IMPG2: variants seen among roughly 807,000 people sequenced by gnomAD.
IMPG2 encodes the protein interphotoreceptor matrix proteoglycan 2, also known as IPM 200.
In IMPG2, 91 loss-of-function variants were observed where a neutral mutation model predicts 129.2. That is an observed-to-expected ratio of 0.70 (90% CI 0.59 to 0.84). IMPG2 has a LOEUF of 0.84. Ranked by LOEUF, IMPG2 falls within the 40% of genes least tolerant of loss-of-function variation. The pLI is 0.00. For missense variants in IMPG2, 1,430 were observed against 1,461.7 expected (o/e 0.98, Z 0.35); for synonymous variants, 510 against 517.7 (o/e 0.99, Z 0.20).
rs1706834559 is a variant in IMPG2 at position 101,275,757 on chromosome 3, A to G, written c.584-12T>C. Reference sequence around the variant, plus strand: ...ACTGAGAGTAGTGTCTAAGAAGAAAAGCAAAAACATATGCATGAATTCAGT... The same window carrying G: ...ACTGAGAGTAGTGTCTAAGAAGAAAGGCAAAAACATATGCATGAATTCAGT... On this transcript the variant is annotated splice_polypyrimidine_tract_variant and intron_variant, in intron 5 of 18. Coordinates refer to ENST00000193391, the MANE Select transcript of IMPG2 (RefSeq NM_016247.4). The G allele has an allele frequency of 6.9e-6, 11 of 1,598,780 alleles. No homozygotes were observed. Among genetic ancestry groups the G allele is most frequent in the Non-Finnish European group, 9.4e-6 (11 of 1,166,166 alleles).
At position 101,267,810 on chromosome 3, in the gene IMPG2, A is replaced by G. The variant is rs72932471; in HGVS notation, c.888-279T>C. On this transcript the variant is annotated intron_variant, in intron 8 of 18. Transcript: ENST00000193391. ...CTTCATAAAGAAACTTTTTTCAGTA[A>G]ATCAGCAGAGGACTCCAGTTGTTGG... is the stretch of plus-strand genomic sequence containing the variant. Among the ~76,000 whole-genome samples, 480 of 152,126 alleles carry G rather than the reference A, an allele frequency of 3.2e-3. 1 individual carries two copies. The highest frequency in any genetic ancestry group is 0.011 in the African/African-American group (452 of 41,526).
intron 17 of IMPG2, 131 bp downstream of exon 17, chr3:101,229,249 T>C: frequency 1.3e-6 from 1 of 785,790 alleles, no homozygotes; most frequent in Non-Finnish European, 2.2e-6. Flanking sequence ...TTACTAAATA[T>C]TTTTTACACT....
rs1038588264 is a variant in IMPG2 at position 101,242,859 on chromosome 3, T to C, written c.2851A>G (p.Ile951Val). ...SNLTGFQNLE[I>V]LNFRNGSIVV... The stretch of plus-strand genomic sequence containing the variant: ...ATGCTGCCATTTCTGAAGTTGAGGA[T>C]TTCTAAGTTCTGGAACCCCGTGAGA... The change falls in exon 14 of 19, where the codon ATC (isoleucine) becomes GTC (valine). Residue 951 changes from isoleucine to valine, a missense_variant. By Grantham distance (29) the Ile-to-Val change is conservative. Transcript: ENST00000193391. The C allele has an allele frequency of 3.7e-6, 6 of 1,613,974 alleles. No homozygotes were observed. The highest frequency in any genetic ancestry group is 2.2e-5 in the East Asian group (1 of 44,878).
chr3:101,229,666 T>C (rs774852315), intron 16 of IMPG2, 76 bp from the exon 17 acceptor site: 59 of 1,316,356 alleles, frequency 4.5e-5, no homozygotes, highest in Non-Finnish European at 4.4e-5. Flanking sequence ...CCTGGGACAA[T>C]ATTTCTGTTG....
At position 101,319,715 on chromosome 3, in the gene IMPG2, C is replaced by A. The variant is rs756723730; in HGVS notation, c.203G>T (p.Arg68Leu). The A allele has an allele frequency of 1.9e-6, 3 of 1,613,526 alleles. No individual in the cohort carries two copies. The highest frequency in any genetic ancestry group is 1.3e-5 in the African/African-American group (1 of 74,886). Residue 68 changes from arginine (R) to leucine (L), a missense_variant, in exon 2 of 19, where the codon CGC becomes CTC. Coordinates refer to ENST00000193391, the MANE Select transcript of IMPG2 (RefSeq NM_016247.4). Reference protein sequence around the residue: ...LATKKKQPLDRRETERQWLIR... With the variant: ...LATKKKQPLDLRETERQWLIR... The stretch of plus-strand genomic sequence containing the variant: ...TAACCACTGTCTTTCAGTTTCTCTG[C>A]GGTCCAGAGGCTGTTTCTTTTTGGT...
At position 101,306,006 on chromosome 3, in the gene IMPG2, G is replaced by A. The variant is rs913282022; in HGVS notation, c.335-1694C>T. On this transcript the variant is annotated intron_variant, in intron 2 of 18. Coordinates refer to ENST00000193391, the MANE Select transcript of IMPG2 (RefSeq NM_016247.4). ...TAGCAAGAAGATTGAACACACATCAGGCAGGATCCACATTGAGGTGGAGCC... is the reference window on the plus strand; with the variant it reads ...TAGCAAGAAGATTGAACACACATCAAGCAGGATCCACATTGAGGTGGAGCC... Among the ~76,000 whole-genome samples the A allele has an allele frequency of 5.3e-5, 8 of 152,258 alleles. No homozygotes were observed. The East Asian group carries it at 1.5e-3, about 29-fold the overall frequency.
intron 8 of IMPG2, among the ~76,000 whole-genome samples, 194 bp downstream of exon 8, chr3:101,269,321 A>G (rs956761199): frequency 6.6e-6 from 1 of 152,222 alleles, no homozygotes; most frequent in African/African-American, 2.4e-5. Context: ...TCTTTGAGTT[A>G]TTATTTGGTC....
At chr3:101,264,333 C>T (rs939054063) in intron 9 of IMPG2, among the ~76,000 whole-genome samples, 1 of 151,816 alleles carries the variant, frequency 6.6e-6, no homozygotes, top group South Asian at 2.1e-4. Flanking sequence ...TCCAATAGCC[C>T]CTCAAAAAGA....
intron 9 of IMPG2, among the ~76,000 whole-genome samples, chr3:101,260,132 C>T (rs565849934): frequency 1.1e-4 from 16 of 152,098 alleles, no homozygotes; most frequent in East Asian, 1.9e-4. Flanking sequence ...AAGCCATAAA[C>T]GTGACACTTC....
chr3:101,255,548 G>C (rs1706589113), intron 10 of IMPG2, among the ~76,000 whole-genome samples: 1 of 152,018 alleles, frequency 6.6e-6, no homozygotes, highest in African/African-American at 2.4e-5. Flanking sequence ...ACTGACCTTG[G>C]TGTTTGCACC....
At chr3:101,303,039 A>C (rs1414541181) in intron 3 of IMPG2, among the ~76,000 whole-genome samples, 2 of 152,216 alleles carry the variant, frequency 1.3e-5, no homozygotes, top group African/African-American at 4.8e-5. Flanking sequence ...TATTACCTTT[A>C]CGATATACTA....
At chr3:101,248,634 A>T (rs947372276) in intron 11 of IMPG2, among the ~76,000 whole-genome samples, 1 of 152,198 alleles carries the variant, frequency 6.6e-6, no homozygotes, top group Non-Finnish European at 1.5e-5. Flanking sequence ...CCCTAGTGAC[A>T]AATGCACAGG....
At chr3:101,307,710 G>C (rs1360582417) in intron 2 of IMPG2, among the ~76,000 whole-genome samples, 3 of 152,092 alleles carry the variant, frequency 2.0e-5, no homozygotes, top group African/African-American at 4.8e-5. Context: ...TTTGGGTGGG[G>C]ATACAGGCAA....
chr3:101,237,656 G>A (rs1305211622), intron 14 of IMPG2, among the ~76,000 whole-genome samples: 1 of 152,144 alleles, frequency 6.6e-6, no homozygotes, highest in African/African-American at 2.4e-5. Context: ...TTAACAAACA[G>A]AAAGGAATAG....
chr3:101,266,622 C>CA (rs1472601993), intron 9 of IMPG2, among the ~76,000 whole-genome samples: 5 of 152,040 alleles, frequency 3.3e-5, no homozygotes, highest in African/African-American at 9.7e-5. Flanking sequence ...TGAGACAGAC[C>CA]AAGCATGGAG....
Position 101,244,582 on chromosome 3 carries a change from G to T in IMPG2, c.1749C>A (p.Ser583Arg). Reference protein sequence around the residue: ...TSKVKDQLKVSPFLPDASMEK... With the variant: ...TSKVKDQLKVRPFLPDASMEK... ...CCATGGATGCATCTGGCAGGAAAGGGCTCACTTTTAATTGGTCTTTGACTT... is the reference window on the plus strand; with the variant it reads ...CCATGGATGCATCTGGCAGGAAAGGTCTCACTTTTAATTGGTCTTTGACTT... The change falls in exon 13 of 19, where the codon AGC becomes AGA. Residue 583 changes from serine (S) to arginine (R), a missense_variant. Physicochemically the swap from Ser to Arg is moderately radical, Grantham distance 110. Coordinates refer to ENST00000193391, the MANE Select transcript of IMPG2 (RefSeq NM_016247.4). 6.3e-7 allele frequency: 1 copy of T among 1,594,310 alleles called. No homozygotes were observed. The highest frequency in any genetic ancestry group is 8.5e-7 in the Non-Finnish European group (1 of 1,170,976).
At chr3:101,252,768 C>T (rs910568185) in intron 11 of IMPG2, among the ~76,000 whole-genome samples, 2 of 152,062 alleles carry the variant, frequency 1.3e-5, no homozygotes, top group East Asian at 3.8e-4. Context: ...GAAGAAATGG[C>T]TGCAGAGATT....
At chr3:101,243,355 T>C (rs959534824) in intron 13 of IMPG2, among the ~76,000 whole-genome samples, 174 bp downstream of exon 13, 4 of 152,216 alleles carry the variant, frequency 2.6e-5, no homozygotes, top group African/African-American at 9.6e-5. Context: ...ATTTCTTGTA[T>C]GTCTTACTGT....
At chr3:101,240,967 A>T (rs1286318780) in intron 14 of IMPG2, among the ~76,000 whole-genome samples, 1 of 152,128 alleles carries the variant, frequency 6.6e-6, no homozygotes, top group Non-Finnish European at 1.5e-5. Flanking sequence ...GAAGAAGAAA[A>T]TTTTACATTT....
Sources: allele counts gnomAD v4.1 joint callset (sites outside exome capture counted in the v4.1 genomes callset), GRCh38; gene constraint gnomAD v4.1.1; transcripts MANE v1.5; gene names NCBI Gene and HGNC (gene_info 2026-07-23, HGNC 2026-07-21).